Variants in ST7 observed in about 807,000 individuals in gnomAD.
ST7 encodes suppressor of tumorigenicity 7 protein.
Under a neutral mutation model 78.7 loss-of-function variants are expected in ST7, and 28 were observed. The observed-to-expected ratio is 0.36, with a 90% CI of 0.26 to 0.49. The LOEUF (loss-of-function observed/expected upper bound fraction) is 0.49. Ranked by LOEUF, ST7 falls within the 20% of genes least tolerant of loss-of-function variation. The pLI, the probability that ST7 is intolerant of heterozygous loss-of-function variation, is 0.99. For missense variants in ST7, 418 were observed against 696.0 expected, an observed-to-expected ratio of 0.60 and a Z score of 4.49; for synonymous variants, 247 against 249.6, an observed-to-expected ratio of 0.99 and a Z score of 0.10.
At chr7:117,106,054 A>T (rs1261328570) in intron 2 of ST7, among the ~76,000 whole-genome samples, 1 of 151,902 alleles carries the variant, frequency 6.6e-6, no homozygotes, top group Admixed American at 6.6e-5. Context: ...TGCGGACTGC[A>T]GTGGCGCAAT....
chr7:117,015,621 G>T (rs552753446), intron 1 of ST7, among the ~76,000 whole-genome samples: 9 of 152,228 alleles, frequency 5.9e-5, no homozygotes, highest in African/African-American at 2.2e-4. Flanking sequence ...TTAGAAATAA[G>T]GTTAGATTAA....
rs201349557 is a variant in ST7 at position 117,161,594 on chromosome 7, T to TC, written c.964-9268_964-9267insC. On this transcript the variant is annotated intron_variant, in intron 9 of 15. Coordinates refer to ENST00000323984, the MANE Select transcript of ST7 (RefSeq NM_001369598.1). ...TTTCAGTTTGTTTTCTTTCTTTCTTTTTTTTTTTTTTTTTTTTCTTTCCAA... is the reference window on the plus strand; with the variant it reads ...TTTCAGTTTGTTTTCTTTCTTTCTTTCTTTTTTTTTTTTTTTTTCTTTCCAA... Among the ~76,000 whole-genome samples, 239 of 143,694 alleles carry TC rather than the reference T, an allele frequency of 1.7e-3. 1 individual carries two copies. The highest frequency in any genetic ancestry group is 2.9e-3 in the South Asian group (13 of 4,508). 94.3% of individuals were successfully genotyped at this position (143,694 alleles called of 152,430 possible).
At chr7:117,173,057 C>A (rs1324924470) in intron 10 of ST7, among the ~76,000 whole-genome samples, 2 of 152,176 alleles carry the variant, frequency 1.3e-5, no homozygotes, top group African/African-American at 4.8e-5. Flanking sequence ...TTATTTGTTA[C>A]AACAGCCCGT....
intron 6 of ST7, among the ~76,000 whole-genome samples, chr7:117,133,159 A>G (rs1804501898): frequency 6.6e-6 from 1 of 151,944 alleles, no homozygotes; most frequent in South Asian, 2.1e-4. Flanking sequence ...ATAATCCATT[A>G]GAATATCTTT....
intron 1 of ST7, among the ~76,000 whole-genome samples, chr7:117,037,497 G>A (rs951766234): frequency 6.6e-6 from 1 of 152,176 alleles, no homozygotes; most frequent in Non-Finnish European, 1.5e-5. Flanking sequence ...TTGAGATACG[G>A]GAGTGCTGTG....
intron 9 of ST7, among the ~76,000 whole-genome samples, chr7:117,158,818 A>G (rs1472469684): frequency 6.6e-6 from 1 of 152,198 alleles, no homozygotes; most frequent in East Asian, 1.9e-4. Context: ...TGCATTATAC[A>G]GTGTCTTTTC....
At chr7:117,009,941 C>T (rs1795321657) in intron 1 of ST7, among the ~76,000 whole-genome samples, 1 of 152,164 alleles carries the variant, frequency 6.6e-6, no homozygotes, top group African/African-American at 2.4e-5. Flanking sequence ...CTATTGCCAC[C>T]ATCCTTTTAA....
intron 7 of ST7, among the ~76,000 whole-genome samples, chr7:117,134,858 C>A (rs1018888242): frequency 5.9e-5 from 9 of 152,094 alleles, no homozygotes; most frequent in African/African-American, 1.9e-4. Context: ...TTGTTTAAAG[C>A]CCCATTGATG....
chr7:117,133,593 T>G (rs1163608938), intron 6 of ST7, among the ~76,000 whole-genome samples: 1 of 151,748 alleles, frequency 6.6e-6, no homozygotes, highest in African/African-American at 2.4e-5. Flanking sequence ...TATTTGCCTT[T>G]GTGACATGGG....
intron 8 of ST7, among the ~76,000 whole-genome samples, chr7:117,138,142 G>A (rs1804948252): frequency 6.6e-6 from 1 of 152,118 alleles, no homozygotes; most frequent in Non-Finnish European, 1.5e-5. Context: ...TGAAGAATGT[G>A]GAATTCCTGC....
At chr7:117,175,659 C>A (rs137865485) in intron 10 of ST7, among the ~76,000 whole-genome samples, 2 of 152,044 alleles carry the variant, frequency 1.3e-5, no homozygotes, top group African/African-American at 2.4e-5. Flanking sequence ...GAAATGAGAT[C>A]GAGACTTAGA....
At chr7:117,203,078 A>G (rs957374833) in intron 12 of ST7, among the ~76,000 whole-genome samples, 7 of 152,224 alleles carry the variant, frequency 4.6e-5, no homozygotes, top group Non-Finnish European at 1.0e-4. Flanking sequence ...GTATAAAAGT[A>G]AGCCTGTGCA....
intron 1 of ST7, among the ~76,000 whole-genome samples, chr7:117,063,902 G>A (rs1217742159): frequency 2.0e-5 from 3 of 152,086 alleles, no homozygotes; most frequent in East Asian, 1.9e-4. Context: ...AGCAATTCCC[G>A]ACAGGCATTA....
chr7:117,216,091 T>C (rs1792670891), intron 13 of ST7, among the ~76,000 whole-genome samples: 1 of 152,126 alleles, frequency 6.6e-6, no homozygotes, highest in South Asian at 2.1e-4. Context: ...TTCCCCCCAG[T>C]ATCAATTGAG....
At chr7:117,135,981 A>G (rs1186839096) in intron 7 of ST7, 100 bp from the exon 8 acceptor site, 5 of 1,311,224 alleles carry the variant, frequency 3.8e-6, no homozygotes, top group Non-Finnish European at 5.3e-6. Context: ...GCCACTCTGC[A>G]TGTTTTGGCG....
chr7:117,024,544 GA>G (rs1796096340), intron 1 of ST7, among the ~76,000 whole-genome samples: 1 of 152,130 alleles, frequency 6.6e-6, no homozygotes, highest in South Asian at 2.1e-4. Flanking sequence ...TACCTGCTGA[GA>G]AACAGAGTGT....
chr7:116,972,849 T>C, intron 1 of ST7: 1 of 1,174,036 alleles, frequency 8.5e-7, no homozygotes, highest in South Asian at 1.2e-5. Context: ...CTGCATCATC[T>C]GCCTGCTGCT....
chr7:116,976,150 A>G (rs1410563281), intron 1 of ST7, among the ~76,000 whole-genome samples: 3 of 152,068 alleles, frequency 2.0e-5, no homozygotes, highest in Non-Finnish European at 2.9e-5. Flanking sequence ...CTGCAATCTC[A>G]GCTACTTGGG....
chr7:117,100,015 A>G (rs765210402), intron 2 of ST7, among the ~76,000 whole-genome samples, 171 bp downstream of exon 2: 2 of 152,224 alleles, frequency 1.3e-5, no homozygotes, highest in Admixed American at 6.5e-5. Context: ...CTACCCCATT[A>G]TATTTCTGAA....
Sources: allele counts gnomAD v4.1 joint callset (sites outside exome capture counted in the v4.1 genomes callset), GRCh38; gene constraint gnomAD v4.1.1; transcripts MANE v1.5; gene names NCBI Gene and HGNC (gene_info 2026-07-23, HGNC 2026-07-21).